The following PKN2 variants were observed in gnomAD, a reference collection of about 807,000 sequenced individuals.
PKN2 encodes the protein serine/threonine-protein kinase N2.
A neutral mutation model predicts 119.1 loss-of-function variants in PKN2; 38 were observed. The observed-to-expected ratio is 0.32, with a 90% CI of 0.25 to 0.42. The LOEUF is 0.42. Among genes scored for constraint, PKN2 ranks in the 10% least tolerant of loss-of-function variants. PKN2 has a pLI of 1.00. For missense variants in PKN2, 850 were observed against 1,165.1 expected (o/e 0.73, Z 3.94); for synonymous variants, 390 against 384.9 (o/e 1.01, Z -0.15).
At chr1:88,807,191 A>T (rs1245180704) in intron 12 of PKN2, 122 bp from the exon 13 acceptor site, 2 of 799,594 alleles carry the variant, frequency 2.5e-6, no homozygotes, top group African/African-American at 1.8e-5. Context: ...GAGTATCTGA[A>T]TTTTACTTTT....
chr1:88,757,219 TCAAAAGGTTATTTTA>T (rs1487933213), intron 2 of PKN2, among the ~76,000 whole-genome samples: 4 of 152,214 alleles, frequency 2.6e-5, no homozygotes, highest in Non-Finnish European at 5.9e-5. Context: ...AATATCTGTC[TCAAAAGGTTATTTTA>T]AGGATTTATA....
chr1:88,780,347 A>G (rs1373717219), intron 6 of PKN2, among the ~76,000 whole-genome samples: 1 of 152,198 alleles, frequency 6.6e-6, no homozygotes, highest in Non-Finnish European at 1.5e-5. Flanking sequence ...CTAGGGACAC[A>G]GTTAAAAAAT....
Position 88,684,601 on chromosome 1 carries a change from G to A in PKN2, c.21G>A (p.Arg7=). ...GCGCAATGGCGTCCAACCCCGAACGGGGGGAGATTCTGCTCACGGAACTGC... is the reference window on the plus strand; with the variant it reads ...GCGCAATGGCGTCCAACCCCGAACGAGGGGAGATTCTGCTCACGGAACTGC... MASNPE[R]GEILLTELQG... is the part of the protein sequence containing the mutation. Residue 7 remains arginine, a synonymous_variant, in exon 1 of 22, where the codon CGG becomes CGA. Transcript: ENST00000370521. 2.6e-6 allele frequency: 4 copies of A among 1,563,800 alleles called. No individual in the cohort carries two copies. The highest frequency in any genetic ancestry group is 3.5e-6 in the Non-Finnish European group (4 of 1,155,404).
chr1:88,701,789 A>G (rs924891440), intron 1 of PKN2, among the ~76,000 whole-genome samples: 4 of 152,190 alleles, frequency 2.6e-5, no homozygotes, highest in African/African-American at 7.2e-5. Flanking sequence ...TTAGATTTCT[A>G]GTTAGCTACT....
chr1:88,690,757 G>A lies in PKN2; in HGVS notation c.48+6129G>A, dbSNP rs558756207. ...GTGTAACATTATATACATAAATATT[G>A]CCTGTAAAAAATGAAGATCAAGAAA... On this transcript the variant is annotated intron_variant, in intron 1 of 21. Coordinates refer to ENST00000370521, the MANE Select transcript of PKN2 (RefSeq NM_006256.4). Among the ~76,000 whole-genome samples, 16 of 151,744 alleles carry A rather than the reference G, an allele frequency of 1.1e-4. No homozygotes were observed. In the South Asian group the frequency reaches 3.1e-3, roughly 30 times the overall value.
chr1:88,809,511 C>T (rs1010490121), intron 15 of PKN2, among the ~76,000 whole-genome samples: 6 of 152,160 alleles, frequency 3.9e-5, no homozygotes, highest in Admixed American at 2.0e-4. Flanking sequence ...TACCTTGTTA[C>T]GTCTTTGTGC....
chr1:88,778,332 C>T (rs925885570), intron 6 of PKN2, among the ~76,000 whole-genome samples: 2 of 152,308 alleles, frequency 1.3e-5, no homozygotes, highest in South Asian at 2.1e-4. Context: ...CCTTTAATTC[C>T]TGAAGAAGAA....
Position 88,684,483 on chromosome 1 carries a change from T to G in PKN2, c.-98T>G. 1.0e-6 allele frequency: 1 copy of G among 988,948 alleles called. No homozygotes were observed. Among genetic ancestry groups the G allele is most frequent in the Non-Finnish European group, 1.5e-6 (1 of 688,904 alleles). 61.3% of individuals were successfully genotyped at this position (988,948 alleles called of 1,614,324 possible). A position where few individuals can be genotyped will look rare whatever the true frequency, so the allele number is the denominator to read the frequency against. The stretch of plus-strand genomic sequence containing the variant: ...TCCCTAGTTGTTTTTTTTTTTTTCT[T>G]TCTCTCCCCTCTCCTCACCCCCACC... On this transcript the variant is annotated 5_prime_UTR_variant, in exon 1 of 22. Transcript: ENST00000370521.
At chr1:88,687,697 G>A (rs546341018) in intron 1 of PKN2, among the ~76,000 whole-genome samples, 3 of 152,236 alleles carry the variant, frequency 2.0e-5, no homozygotes, top group East Asian at 1.9e-4. Context: ...TTAGATAGAG[G>A]TAACTTGCTC....
chr1:88,734,299 A>G (rs1276428036), intron 1 of PKN2, among the ~76,000 whole-genome samples: 5 of 152,064 alleles, frequency 3.3e-5, no homozygotes, highest in East Asian at 1.9e-4. Flanking sequence ...GCTTTCCCCT[A>G]TATTTCCTCC....
chr1:88,786,417 A>G (rs1269375277), intron 8 of PKN2, among the ~76,000 whole-genome samples: 16 of 152,090 alleles, frequency 1.1e-4, no homozygotes. Flanking sequence ...AGGATCTTTC[A>G]TTTGTGTAGT....
At chr1:88,810,759 A>G (rs1209266859) in intron 15 of PKN2, among the ~76,000 whole-genome samples, 1 of 151,906 alleles carries the variant, frequency 6.6e-6, no homozygotes, top group African/African-American at 2.4e-5. Context: ...GGTGTGCACC[A>G]CCATGCCCAG....
chr1:88,717,376 A>T (rs13374836), intron 1 of PKN2, among the ~76,000 whole-genome samples: 74 of 152,262 alleles, frequency 4.9e-4, no homozygotes, highest in African/African-American at 1.8e-3. Context: ...CCTGGATAAT[A>T]TCCTGCAGAG....
chr1:88,785,885 C>T (rs1670551187), intron 7 of PKN2, among the ~76,000 whole-genome samples: 1 of 152,134 alleles, frequency 6.6e-6, no homozygotes, highest in Non-Finnish European at 1.5e-5. Context: ...AAAGAGATAG[C>T]AGTCACTATT....
intron 6 of PKN2, among the ~76,000 whole-genome samples, chr1:88,776,257 C>T (rs1156579754): frequency 1.4e-5 from 2 of 146,282 alleles, no homozygotes; most frequent in Admixed American, 6.8e-5. Flanking sequence ...CACCCCGCCC[C>T]ACCCGTCACT....
chr1:88,803,678 A>G (rs1174296965), intron 8 of PKN2, among the ~76,000 whole-genome samples: 1 of 152,180 alleles, frequency 6.6e-6, no homozygotes, highest in Non-Finnish European at 1.5e-5. Context: ...GTATTCTCTC[A>G]TACGGCTTTG....
intron 1 of PKN2, among the ~76,000 whole-genome samples, chr1:88,712,578 G>A (rs1024237607): frequency 2.6e-5 from 4 of 152,096 alleles, no homozygotes; most frequent in Non-Finnish European, 4.4e-5. Flanking sequence ...ATGTAATGAT[G>A]TATGTGATTC....
chr1:88,689,345 T>C (rs967108960), intron 1 of PKN2, among the ~76,000 whole-genome samples: 2 of 152,154 alleles, frequency 1.3e-5, no homozygotes, highest in African/African-American at 4.8e-5. Flanking sequence ...TTTATCTCAT[T>C]TTACTTACTA....
chr1:88,823,262 T>A (rs1672367017), intron 17 of PKN2, among the ~76,000 whole-genome samples: 1 of 152,178 alleles, frequency 6.6e-6, no homozygotes, highest in South Asian at 2.1e-4. Flanking sequence ...TAAAATATTG[T>A]CAGTTTGCCT....
Sources: gnomAD v4.1 joint callset for allele counts (sites outside exome capture counted in the v4.1 genomes callset) on GRCh38, gnomAD v4.1.1 for gene constraint, MANE v1.5 for transcripts, NCBI Gene and HGNC (gene_info 2026-07-23, HGNC 2026-07-21) for gene names.